SLCO1C1: variants seen among roughly 807,000 people sequenced by gnomAD.
The protein encoded by SLCO1C1 is OAT-RP-5.
Under a neutral mutation model 76.4 loss-of-function variants are expected in SLCO1C1, and 70 were observed. That is an observed-to-expected ratio of 0.92 (90% CI 0.76 to 1.12). SLCO1C1 has a LOEUF of 1.12. Among genes scored for constraint, SLCO1C1 ranks in the 50% most tolerant of loss-of-function variants. The pLI, the probability that SLCO1C1 is intolerant of heterozygous loss-of-function variation, is 0.00. For synonymous variants in SLCO1C1, 306 were observed against 286.1 expected, an observed-to-expected ratio of 1.07 and a Z score of -0.70; for missense variants, 912 against 823.8, an observed-to-expected ratio of 1.11 and a Z score of -1.31.
Position 20,717,206 on chromosome 12 carries a change from G to C in SLCO1C1, c.751G>C (p.Val251Leu). The change falls in exon 7 of 15, where the codon GTT (valine) becomes CTT (leucine). Residue 251 changes from valine to leucine, a missense_variant. Physicochemically the swap from Val to Leu is conservative, Grantham distance 32 (BLOSUM62 1). Transcript: ENST00000266509. ...LLGSLCAKLY[V>L]DIGFVNLDHI... ...AGGCTCATTATGTGCCAAACTATAT[G>C]TTGACATTGGCTTTGTAAACCTAGG... 6.3e-7 allele frequency: 1 copy of C among 1,588,808 alleles called. No homozygotes were observed. Among genetic ancestry groups the C allele is most frequent in the Non-Finnish European group, 8.5e-7 (1 of 1,172,362 alleles).
At chr12:20,725,621 T>TA (rs1947941481) in intron 9 of SLCO1C1, among the ~76,000 whole-genome samples, 1 of 148,152 alleles carries the variant, frequency 6.7e-6, no homozygotes, top group African/African-American at 2.5e-5. Flanking sequence ...TAGTTATTTA[T>TA]AATACTATAA....
intron 13 of SLCO1C1, among the ~76,000 whole-genome samples, chr12:20,748,104 T>C (rs1168050908): frequency 6.6e-6 from 1 of 152,218 alleles, no homozygotes; most frequent in East Asian, 1.9e-4. Flanking sequence ...ACTGCTTAAA[T>C]TCTTTAAATT....
intron 1 of SLCO1C1, among the ~76,000 whole-genome samples, chr12:20,698,985 T>A (rs1946393194): frequency 6.6e-6 from 1 of 152,068 alleles, no homozygotes; most frequent in Admixed American, 6.6e-5. Context: ...AAGGCACAAA[T>A]CATGTTGCTC....
intron 1 of SLCO1C1, among the ~76,000 whole-genome samples, chr12:20,698,348 T>G (rs903853406): frequency 2.0e-5 from 3 of 152,054 alleles, no homozygotes; most frequent in Non-Finnish European, 4.4e-5. Context: ...TAATAATTTT[T>G]TTGAAACCAG....
intron 4 of SLCO1C1, among the ~76,000 whole-genome samples, chr12:20,710,116 A>G (rs1338911397): frequency 6.6e-6 from 1 of 151,806 alleles, no homozygotes; most frequent in East Asian, 1.9e-4. Flanking sequence ...AACAGATTTA[A>G]GGTAACCTGT....
intron 3 of SLCO1C1, among the ~76,000 whole-genome samples, chr12:20,703,754 T>C (rs1443406256): frequency 1.3e-5 from 2 of 151,738 alleles, no homozygotes; most frequent in East Asian, 1.9e-4. Context: ...TGAACTGCGC[T>C]TGGTTGGGAT....
Position 20,752,388 on chromosome 12 carries a change from A to C in SLCO1C1, c.1999A>C (p.Asn667His), listed in dbSNP as rs141703544. The C allele has an allele frequency of 6.2e-7, 1 of 1,613,464 alleles. No individual in the cohort carries two copies. The highest frequency in any genetic ancestry group is 8.5e-7 in the Non-Finnish European group (1 of 1,179,592). ...TGCAGTACTTTTCATTTTAAAGAAA[A>C]ATTATGTTTCAAAACACAGAAGTTT... ...SIAVLFILKKNYVSKHRSFIT... is the reference protein window; with the variant it reads ...SIAVLFILKKHYVSKHRSFIT... Residue 667 changes from asparagine (N) to histidine (H), a missense_variant, in exon 15 of 15, where the codon AAT (asparagine) becomes CAT (histidine). Transcript: ENST00000266509.
chr12:20,704,838 T>G (rs1035422452), intron 3 of SLCO1C1, among the ~76,000 whole-genome samples: 1 of 151,972 alleles, frequency 6.6e-6, no homozygotes, highest in Non-Finnish European at 1.5e-5. Context: ...AAGATCTTAC[T>G]GTATTTAGCA....
At chr12:20,720,736 G>A (rs1005071560) in intron 7 of SLCO1C1, among the ~76,000 whole-genome samples, 8 of 152,200 alleles carry the variant, frequency 5.3e-5, no homozygotes, top group African/African-American at 1.2e-4. Context: ...GGTGGCTCAT[G>A]CCTGTAATCC....
At chr12:20,717,659 T>C (rs1224598045) in intron 7 of SLCO1C1, among the ~76,000 whole-genome samples, 113 of 74,594 alleles carry the variant, frequency 1.5e-3, no homozygotes, top group African/African-American at 7.5e-3. Context: ...TTTTTTTTTT[T>C]TTTTTTTTTT....
intron 2 of SLCO1C1, among the ~76,000 whole-genome samples, chr12:20,700,583 T>A (rs1210463868): frequency 6.6e-6 from 1 of 151,956 alleles, no homozygotes; most frequent in Non-Finnish European, 1.5e-5. Flanking sequence ...TATCTCCTAA[T>A]GCTGTCCCTC....
chr12:20,703,230 T>C (rs551440563), intron 3 of SLCO1C1, among the ~76,000 whole-genome samples: 23 of 152,040 alleles, frequency 1.5e-4, no homozygotes, highest in Admixed American at 1.4e-3. Flanking sequence ...TTTGCATTCC[T>C]TCTTTTCAAG....
At position 20,721,898 on chromosome 12, in the gene SLCO1C1, G is replaced by T; in HGVS notation, c.870G>T (p.Val290=). 1 of 1,614,114 alleles carries T rather than the reference G, an allele frequency of 6.2e-7. No individual in the cohort carries two copies. The highest frequency in any genetic ancestry group is 8.5e-7 in the Non-Finnish European group (1 of 1,180,012). ...IAGIISLLAA[V]PFWYLPKSLP... ...GAATCATAAGTCTTCTTGCAGCTGTGCCTTTCTGGTATTTACCAAAGAGTT... is the reference window on the plus strand; with the variant it reads ...GAATCATAAGTCTTCTTGCAGCTGTTCCTTTCTGGTATTTACCAAAGAGTT... Residue 290 remains valine, a synonymous_variant, in exon 8 of 15, where the codon GTG becomes GTT. Transcript: ENST00000266509.
intron 3 of SLCO1C1, among the ~76,000 whole-genome samples, chr12:20,704,726 T>TACAG (rs1424115502): frequency 1.2e-5 from 1 of 81,734 alleles, no homozygotes; most frequent in East Asian, 6.2e-4. Context: ...GATGATTGCT[T>TACAG]ACAGATGTAG....
chr12:20,711,308 G>A (rs1375634259), intron 4 of SLCO1C1, 78 bp from the exon 5 acceptor site: 35 of 1,476,058 alleles, frequency 2.4e-5, no homozygotes, highest in Middle Eastern at 1.8e-4. Flanking sequence ...GTACCCTAAC[G>A]ATTCGTGTAG....
At chr12:20,743,871 A>G (rs1488088460) in intron 13 of SLCO1C1, among the ~76,000 whole-genome samples, 1 of 116,404 alleles carries the variant, frequency 8.6e-6, no homozygotes, top group Non-Finnish European at 2.1e-5. Context: ...ATTGTAATTG[A>G]AATGTTTTTT....
At chr12:20,747,217 G>GA (rs1392728834) in intron 13 of SLCO1C1, among the ~76,000 whole-genome samples, 1 of 152,114 alleles carries the variant, frequency 6.6e-6, no homozygotes, top group Non-Finnish European at 1.5e-5. Context: ...TTGAGGCCAG[G>GA]AGTTCGAGAC....
intron 1 of SLCO1C1, chr12:20,696,634 A>G (rs1946279405): frequency 6.6e-6 from 1 of 152,154 alleles, no homozygotes; most frequent in Admixed American, 6.6e-5. Flanking sequence ...TATTGGATGA[A>G]AACTGTCGTA....
intron 13 of SLCO1C1, among the ~76,000 whole-genome samples, chr12:20,746,449 C>T (rs1463440346): frequency 2.0e-5 from 3 of 151,302 alleles, no homozygotes; most frequent in Admixed American, 6.7e-5. Context: ...CGAGAAAAAC[C>T]CAAATACTTT....
Sources: allele counts gnomAD v4.1 joint callset (sites outside exome capture counted in the v4.1 genomes callset), GRCh38; gene constraint gnomAD v4.1.1; transcripts MANE v1.5; gene names NCBI Gene and HGNC (gene_info 2026-07-23, HGNC 2026-07-21).